Variants in CCDC171 observed in about 807,000 individuals in gnomAD.
CCDC171 encodes coiled-coil domain containing 171, also known as coiled-coil domain-containing protein 171.
CCDC171 carries 177 observed loss-of-function variants against 168.2 expected under a neutral mutation model. The ratio of observed to expected loss-of-function variants is 1.05; its 90% CI spans 0.93 to 1.19. The LOEUF (loss-of-function observed/expected upper bound fraction) is 1.19, where lower values mean the gene tolerates loss of function less well. Ranked by LOEUF, CCDC171 falls within the 50% of genes most tolerant of loss-of-function variation. The pLI, the probability that CCDC171 is intolerant of heterozygous loss-of-function variation, is 0.00. For synonymous variants in CCDC171, 687 were observed against 540.8 expected, an observed-to-expected ratio of 1.27 and a Z score of -3.75; for missense variants, 1,991 against 1,539.0, an observed-to-expected ratio of 1.29 and a Z score of -4.91.
chr9:15,767,423 C>T (rs940700856), intron 18 of CCDC171, among the ~76,000 whole-genome samples: 2 of 152,174 alleles, frequency 1.3e-5, no homozygotes, highest in African/African-American at 4.8e-5. Flanking sequence ...TTAAAGGACT[C>T]TTGTCATTAT....
intron 6 of CCDC171, among the ~76,000 whole-genome samples, chr9:15,622,156 G>A (rs2044561960): frequency 6.6e-6 from 1 of 152,000 alleles, no homozygotes; most frequent in Admixed American, 6.6e-5. Context: ...AGAAGGAAGA[G>A]GATCAGAAAA....
At chr9:16,027,111 C>T (rs1833289811) in intron 6 of CCDC171, among the ~76,000 whole-genome samples, 3 of 152,104 alleles carry the variant, frequency 2.0e-5, no homozygotes, top group Admixed American at 6.5e-5. Context: ...ACAGATGTCC[C>T]GGAGTTGATT....
At chr9:15,661,466 G>A (rs2048320974) in intron 8 of CCDC171, among the ~76,000 whole-genome samples, 1 of 151,900 alleles carries the variant, frequency 6.6e-6, no homozygotes. Context: ...TACTTATATG[G>A]TTTAAAATTA....
the CCDC171 span, among the ~76,000 whole-genome samples, chr9:16,091,799 C>T: frequency 3.3e-5 from 5 of 152,156 alleles, no homozygotes; most frequent in Non-Finnish European, 5.9e-5. Context: ...GAATAAGATA[C>T]GATGCTCTAA....
At chr9:15,767,629 TAC>T (rs1046305219) in intron 18 of CCDC171, among the ~76,000 whole-genome samples, 4 of 151,912 alleles carry the variant, frequency 2.6e-5, no homozygotes, top group Non-Finnish European at 4.4e-5. Context: ...TAAAAAAAAT[TAC>T]AGAGTACATT....
chr9:15,762,148 C>A (rs2056478418), intron 18 of CCDC171, among the ~76,000 whole-genome samples: 1 of 148,898 alleles, frequency 6.7e-6, no homozygotes, highest in African/African-American at 2.5e-5. Context: ...CTTCTAAGAG[C>A]CTGAAGCTTT....
At chr9:15,719,039 A>G (rs910780553) in intron 11 of CCDC171, among the ~76,000 whole-genome samples, 2 of 152,166 alleles carry the variant, frequency 1.3e-5, no homozygotes, top group African/African-American at 4.8e-5. Context: ...CCTTTCAGAT[A>G]GAGAATTCAA....
At chr9:15,845,047 G>A (rs879222117) in intron 21 of CCDC171, among the ~76,000 whole-genome samples, 1 of 152,038 alleles carries the variant, frequency 6.6e-6, no homozygotes, top group Non-Finnish European at 1.5e-5. Context: ...ACTGGTGTTG[G>A]ATCATTAGTT....
intron 18 of CCDC171, among the ~76,000 whole-genome samples, chr9:15,748,472 A>T (rs781068952): frequency 1.2e-4 from 18 of 152,204 alleles, no homozygotes; most frequent in Non-Finnish European, 2.2e-4. Flanking sequence ...AGTACAGAGA[A>T]CACCACAAAG....
intron 6 of CCDC171, among the ~76,000 whole-genome samples, chr9:16,029,604 A>G (rs1329801478): frequency 2.6e-5 from 4 of 152,232 alleles, no homozygotes; most frequent in East Asian, 1.9e-4. Flanking sequence ...CCAATATCCT[A>G]TGCCTGAAAG....
At chr9:15,784,046 A>G (rs1304932646) in intron 20 of CCDC171, among the ~76,000 whole-genome samples, 1 of 152,190 alleles carries the variant, frequency 6.6e-6, no homozygotes, top group Non-Finnish European at 1.5e-5. Flanking sequence ...ATGGTATAAT[A>G]GAGTGATTGG....
chr9:16,102,245 C>T, the CCDC171 span, among the ~76,000 whole-genome samples: 4 of 152,080 alleles, frequency 2.6e-5, no homozygotes, highest in Non-Finnish European at 4.4e-5. Context: ...TTTTGGTGTC[C>T]GTGTCCTGGC....
chr9:15,908,979 A>C (rs1483654886), intron 24 of CCDC171, among the ~76,000 whole-genome samples: 1 of 152,114 alleles, frequency 6.6e-6, no homozygotes, highest in Non-Finnish European at 1.5e-5. Flanking sequence ...TCAACAACCA[A>C]CTGTGCACTT....
At chr9:15,821,566 G>A (rs1400907078) in intron 21 of CCDC171, among the ~76,000 whole-genome samples, 1 of 117,076 alleles carries the variant, frequency 8.5e-6, no homozygotes, top group Non-Finnish European at 1.9e-5. Flanking sequence ...CAAATCATGA[G>A]TGAACTCCCA....
intron 3 of CCDC171, among the ~76,000 whole-genome samples, chr9:16,004,263 C>G: frequency 6.6e-6 from 1 of 152,162 alleles, no homozygotes. Context: ...GGACACTCTC[C>G]TGGATGAAAT....
At chr9:16,104,980 T>A in the CCDC171 span, among the ~76,000 whole-genome samples, 1 of 152,134 alleles carries the variant, frequency 6.6e-6, no homozygotes, top group Middle Eastern at 3.2e-3. Flanking sequence ...AAGTATTAAG[T>A]GGAGGTCTGA....
chr9:15,635,789 T>A (rs569003519), intron 7 of CCDC171, among the ~76,000 whole-genome samples: 1 of 152,180 alleles, frequency 6.6e-6, no homozygotes, highest in Non-Finnish European at 1.5e-5. Context: ...TGTTTTCAGT[T>A]GTCTTTATGA....
chr9:15,598,008 T>C (rs2042513881), intron 6 of CCDC171, among the ~76,000 whole-genome samples: 1 of 152,162 alleles, frequency 6.6e-6, no homozygotes, highest in Non-Finnish European at 1.5e-5. Context: ...TTATGATTTT[T>C]TATTGTGTCT....
chr9:15,632,137 T>C (rs931341801), intron 7 of CCDC171, among the ~76,000 whole-genome samples: 1 of 151,002 alleles, frequency 6.6e-6, no homozygotes, highest in African/African-American at 2.4e-5. Context: ...CTCTCACCAC[T>C]CCTATTCAAC....
Sources: allele counts gnomAD v4.1 joint callset (sites outside exome capture counted in the v4.1 genomes callset), GRCh38; gene constraint gnomAD v4.1.1; transcripts MANE v1.5; gene names NCBI Gene and HGNC (gene_info 2026-07-23, HGNC 2026-07-21).